The following NELL1 variants were observed in gnomAD, a reference collection of about 807,000 sequenced individuals.
NELL1 encodes neural EGFL like 1, also known as protein kinase C-binding protein NELL1.
NELL1 carries 76 observed loss-of-function variants against 107.4 expected under a neutral mutation model. The ratio of observed to expected loss-of-function variants is 0.71; its 90% confidence interval spans 0.59 to 0.86. The LOEUF (loss-of-function observed/expected upper bound fraction) is 0.86, where lower values mean the gene tolerates loss of function less well. NELL1 is among the 40% of genes least tolerant of loss of function. The pLI, the probability that NELL1 is intolerant of heterozygous loss-of-function variation, is 0.00. For synonymous variants in NELL1, 353 were observed against 341.2 expected (o/e 1.03, Z -0.38); for missense variants, 1,024 against 1,005.5 (o/e 1.02, Z -0.25).
intron 14 of NELL1, among the ~76,000 whole-genome samples, chr11:21,310,242 G>A (rs1427428237): frequency 2.0e-5 from 3 of 152,058 alleles, no homozygotes; most frequent in African/African-American, 7.2e-5. Flanking sequence ...TGAAACATGT[G>A]TGCTTTCTTT....
intron 5 of NELL1, among the ~76,000 whole-genome samples, chr11:20,910,970 T>C (rs1850117871): frequency 6.6e-6 from 1 of 152,228 alleles, no homozygotes; most frequent in Non-Finnish European, 1.5e-5. Flanking sequence ...TAAAAATGCA[T>C]TTCTTGGCAT....
At position 21,575,295 on chromosome 11, in the gene NELL1, C is replaced by A; in HGVS notation, c.*273C>A. On this transcript the variant is annotated 3_prime_UTR_variant, in exon 20 of 20. Transcript: ENST00000357134. ...TTCCCGTGTTGTAAATCATGTTTCCCTTATCAGATCATTTGCAAATACATT... is the reference window on the plus strand; with the variant it reads ...TTCCCGTGTTGTAAATCATGTTTCCATTATCAGATCATTTGCAAATACATT... 1 of 366,188 alleles carries A rather than the reference C, an allele frequency of 2.7e-6. No homozygotes were observed. Among genetic ancestry groups the A allele is most frequent in the Non-Finnish European group, 5.0e-6 (1 of 199,094 alleles). 22.7% of individuals were successfully genotyped at this position (366,188 alleles called of 1,614,324 possible). A position where few individuals can be genotyped will look rare whatever the true frequency, so the allele number is the denominator to read the frequency against.
intron 13 of NELL1, among the ~76,000 whole-genome samples, chr11:21,201,354 T>G (rs1188496712): frequency 6.6e-6 from 1 of 152,198 alleles, no homozygotes; most frequent in Non-Finnish European, 1.5e-5. Context: ...ACATCTCTTG[T>G]AAGTTGTATT....
intron 12 of NELL1, among the ~76,000 whole-genome samples, chr11:21,092,002 T>C (rs1328545737): frequency 2.6e-5 from 4 of 152,188 alleles, no homozygotes; most frequent in African/African-American, 4.8e-5. Flanking sequence ...GATGAGAATA[T>C]ATTTGCTCAA....
chr11:21,553,081 T>G (rs1399716799), intron 16 of NELL1, among the ~76,000 whole-genome samples: 1 of 151,884 alleles, frequency 6.6e-6, no homozygotes, highest in South Asian at 2.1e-4. Context: ...CTGTGTAAAT[T>G]GCAGAATGCT....
chr11:20,671,448 T>TC (rs1163822516), intron 1 of NELL1, among the ~76,000 whole-genome samples: 1 of 152,216 alleles, frequency 6.6e-6, no homozygotes, highest in Non-Finnish European at 1.5e-5. Context: ...TATGCCTAAA[T>TC]CCTTTGTTCT....
In NELL1 at chr11:21,574,953, A is replaced by G. The variant is rs1215534383; in HGVS notation, c.2383-19A>G. On this transcript the variant is annotated intron_variant, in intron 19 of 19. Transcript: ENST00000357134. Reference sequence around the variant, plus strand: ...ATTCCATGTCTCAACTGGCTAACACATGTTTCTTTGATGTACAGAATGGAA... The same window carrying G: ...ATTCCATGTCTCAACTGGCTAACACGTGTTTCTTTGATGTACAGAATGGAA... 1 of 1,607,438 alleles carries G rather than the reference A, an allele frequency of 6.2e-7. No individual in the cohort carries two copies. The highest frequency in any genetic ancestry group is 1.3e-5 in the African/African-American group (1 of 74,672).
intron 2 of NELL1, among the ~76,000 whole-genome samples, chr11:20,723,540 G>T (rs1855440280): frequency 6.6e-6 from 1 of 152,154 alleles, no homozygotes; most frequent in Admixed American, 6.5e-5. Context: ...GGTTCCCAGG[G>T]CCTTGGGCAG....
Position 21,500,808 on chromosome 11 carries a change from C to CTCTGCAA in NELL1, c.1646-33565_1646-33559dup, listed in dbSNP as rs377642831. On this transcript the variant is annotated intron_variant, in intron 15 of 19. Transcript: ENST00000357134. The stretch of plus-strand genomic sequence containing the variant: ...TTACCTCATTTGAACTTTATTCCTA[C>CTCTGCAA]TCTGCAAATAAGTCATTGTTTTCTC... Among the ~76,000 whole-genome samples the CTCTGCAA allele has an allele frequency of 3.9e-3, 595 of 152,238 alleles. 4 individuals are homozygous for CTCTGCAA. Among genetic ancestry groups the CTCTGCAA allele is most frequent in the African/African-American group, 0.013 (560 of 41,540 alleles).
chr11:21,128,948 G>A (rs1365897225), intron 13 of NELL1, among the ~76,000 whole-genome samples: 2 of 152,200 alleles, frequency 1.3e-5, no homozygotes, highest in Admixed American at 1.3e-4. Flanking sequence ...TTAGAAAACT[G>A]ACAAGTTACA....
intron 14 of NELL1, chr11:21,283,903 T>C: frequency 4.1e-6 from 1 of 244,690 alleles, no homozygotes; most frequent in South Asian, 5.6e-5. Context: ...GCTTCTCTTT[T>C]TCTCACACAA....
chr11:21,131,529 C>T (rs570036979), intron 13 of NELL1, among the ~76,000 whole-genome samples: 139 of 152,270 alleles, frequency 9.1e-4, no homozygotes, highest in African/African-American at 3.2e-3. Flanking sequence ...TTAGAAGTAC[C>T]ATTAAGTGCT....
chr11:20,704,858 T>C lies in NELL1; in HGVS notation c.184+26798T>C, dbSNP rs143401906. The stretch of plus-strand genomic sequence containing the variant: ...ATGCAAAAATTCACAGACATTCTTA[T>C]ACACCAATAACAGACAAACAGAGAG... On this transcript the variant is annotated intron_variant, in intron 2 of 19. Transcript: ENST00000357134. 9.2e-3 allele frequency among the ~76,000 whole-genome samples: 1,407 copies of C among 152,326 alleles called. 23 individuals carry two copies. The highest frequency in any genetic ancestry group is 0.036 in the Admixed American group (543 of 15,288).
At chr11:20,956,601 A>C (rs1024543930) in intron 11 of NELL1, among the ~76,000 whole-genome samples, 5 of 150,678 alleles carry the variant, frequency 3.3e-5, no homozygotes, top group Admixed American at 6.6e-5. Context: ...AGCTGAGATC[A>C]CGCCACTGCA....
At chr11:21,538,262 G>A (rs574634752) in intron 16 of NELL1, among the ~76,000 whole-genome samples, 3 of 152,098 alleles carry the variant, frequency 2.0e-5, no homozygotes, top group South Asian at 4.2e-4. Flanking sequence ...TGTCAGATGA[G>A]GATAATAGCA....
intron 12 of NELL1, among the ~76,000 whole-genome samples, chr11:20,992,457 C>A (rs962981772): frequency 6.6e-6 from 1 of 152,084 alleles, no homozygotes; most frequent in East Asian, 1.9e-4. Flanking sequence ...TATTTCAAAC[C>A]TGCTCGTTTT....
At chr11:20,821,414 T>A (rs928338319) in intron 3 of NELL1, among the ~76,000 whole-genome samples, 13 of 152,172 alleles carry the variant, frequency 8.5e-5, no homozygotes, top group African/African-American at 3.1e-4. Flanking sequence ...ATGATGAGGT[T>A]GAGGAAGGTG....
At chr11:21,390,921 GT>G (rs1395944496) in intron 15 of NELL1, among the ~76,000 whole-genome samples, 4 of 151,306 alleles carry the variant, frequency 2.6e-5, no homozygotes, top group African/African-American at 4.8e-5. Context: ...TTTCCATGAG[GT>G]TTTTTTTCAA....
intron 1 of NELL1, chr11:20,671,035 A>T (rs554680171): frequency 6.6e-6 from 1 of 152,392 alleles, no homozygotes; most frequent in South Asian, 2.1e-4. Flanking sequence ...GGCCCTTCCC[A>T]CTTCCCCAGG....
Sources: allele counts gnomAD v4.1 joint callset (sites outside exome capture counted in the v4.1 genomes callset), GRCh38; gene constraint gnomAD v4.1.1; transcripts MANE v1.5; gene names NCBI Gene and HGNC (gene_info 2026-07-23, HGNC 2026-07-21).